The following KIF1B variants were observed in gnomAD, a reference collection of about 807,000 sequenced individuals.
KIF1B encodes kinesin family member 1B, also known as kinesin-like protein KIF1B.
Under a neutral mutation model 241.9 loss-of-function variants are expected in KIF1B, and 76 were observed. The ratio of observed to expected loss-of-function variants is 0.31; its 90% confidence interval spans 0.26 to 0.38. KIF1B has a LOEUF of 0.38. KIF1B is among the 10% of genes least tolerant of loss of function. The pLI is 1.00. For missense variants in KIF1B, 1,622 were observed against 2,271.4 expected (o/e 0.71, Z 5.81); for synonymous variants, 750 against 796.7 (o/e 0.94, Z 0.99).
chr1:10,308,659 CT>C, intron 22 of KIF1B: 1 of 1,000,448 alleles, frequency 1.0e-6, no homozygotes, highest in Non-Finnish European at 1.2e-6. Flanking sequence ...CTAACTAAAC[CT>C]GGTTTTGACT....
chr1:10,354,412 T>C (rs17402762), intron 38 of KIF1B, among the ~76,000 whole-genome samples: 80,753 of 151,922 alleles, frequency 0.53, 22,146 homozygotes, highest in African/African-American at 0.67. Context: ...TAGAAACCTG[T>C]GAAGAAAATC....
chr1:10,321,842 G>A lies in KIF1B; in HGVS notation c.2343G>A (p.Val781=). The A allele has an allele frequency of 6.2e-7, 1 of 1,614,158 alleles. No homozygotes were observed. Among genetic ancestry groups the A allele is most frequent in the Non-Finnish European group, 8.5e-7 (1 of 1,180,022 alleles). The part of the protein sequence containing the change: ...VYLKEANAIS[V]ELKKKVQFQF... ...TAAAGGAGGCCAATGCCATCAGTGT[G>A]GAACTGAAAAAGAAGGTATGGAGCA... Residue 781 remains valine (V), a synonymous_variant, in exon 24 of 49, where the codon GTG becomes GTA. Transcript: ENST00000676179.
At chr1:10,334,169 AG>A (rs1652073018) in intron 27 of KIF1B, among the ~76,000 whole-genome samples, 1 of 149,650 alleles carries the variant, frequency 6.7e-6, no homozygotes, top group South Asian at 2.1e-4. Flanking sequence ...AAAAAAAAAA[AG>A]GTTGAGCTCT....
chr1:10,348,792 T>TTC (rs1652684171), intron 37 of KIF1B, 59 bp downstream of exon 37: 307 of 1,305,350 alleles, frequency 2.4e-4, no homozygotes, highest in Non-Finnish European at 3.1e-4. Context: ...TTTTTTTTTT[T>TTC]TGAGATAGGG....
At chr1:10,338,295 A>G (rs1041800974) in intron 31 of KIF1B, among the ~76,000 whole-genome samples, 2 of 152,250 alleles carry the variant, frequency 1.3e-5, no homozygotes, top group East Asian at 3.9e-4. Context: ...TGGCCGTCCC[A>G]TGGGTCCTAG....
At chr1:10,265,743 C>T (rs916761336) in intron 5 of KIF1B, among the ~76,000 whole-genome samples, 8 of 151,914 alleles carry the variant, frequency 5.3e-5, no homozygotes, top group Admixed American at 1.3e-4. Flanking sequence ...CCAGTTACTC[C>T]AGAGGCTGAG....
chr1:10,265,351 C>G (rs1336583481), intron 5 of KIF1B, among the ~76,000 whole-genome samples: 1 of 152,022 alleles, frequency 6.6e-6, no homozygotes, highest in Non-Finnish European at 1.5e-5. Context: ...CTTCCCACCT[C>G]AGCCTCCCGA....
In KIF1B at chr1:10,297,748, G is replaced by C. The variant is rs112682076; in HGVS notation, c.2115+502G>C. ...TGTCTAAAAGTGTTGCTGCACAGTTGCATGTGTTACTCCTTTCCTTATCCC... is the reference window on the plus strand; with the variant it reads ...TGTCTAAAAGTGTTGCTGCACAGTTCCATGTGTTACTCCTTTCCTTATCCC... On this transcript the variant is annotated intron_variant, in intron 22 of 48. Transcript: ENST00000676179. Among the ~76,000 whole-genome samples, 882 of 151,940 alleles carry C rather than the reference G, an allele frequency of 5.8e-3. 4 individuals carry two copies. The highest frequency in any genetic ancestry group is 0.01 in the Non-Finnish European group (688 of 67,974).
intron 1 of KIF1B, among the ~76,000 whole-genome samples, chr1:10,228,024 A>G (rs1646932355): frequency 1.3e-5 from 2 of 151,648 alleles, no homozygotes; most frequent in Non-Finnish European, 2.9e-5. Flanking sequence ...GTCTCTACTA[A>G]TAATACAAAA....
intron 2 of KIF1B, among the ~76,000 whole-genome samples, chr1:10,235,022 T>C (rs1489090220): frequency 6.6e-6 from 1 of 152,006 alleles, no homozygotes; most frequent in Non-Finnish European, 1.5e-5. Context: ...CCTGAGTAGC[T>C]GGAACTACAG....
chr1:10,332,502 T>C (rs975337721), intron 27 of KIF1B, among the ~76,000 whole-genome samples: 1 of 4,174 alleles, frequency 2.4e-4, no homozygotes, highest in African/African-American at 6.0e-4. Context: ...ATAATAGTCA[T>C]TTTTTTTTTT....
chr1:10,363,443 G>A (rs1638479800), intron 41 of KIF1B, 99 bp downstream of exon 41: 2 of 1,064,236 alleles, frequency 1.9e-6, no homozygotes, highest in African/African-American at 1.6e-5. Flanking sequence ...TGTAATCCCA[G>A]CGCTTTGGGA....
At chr1:10,293,913 G>A (rs1650132601) in intron 17 of KIF1B, among the ~76,000 whole-genome samples, 1 of 152,114 alleles carries the variant, frequency 6.6e-6, no homozygotes. Flanking sequence ...CTCAGTCTTA[G>A]GACCTGTTTC....
chr1:10,264,173 T>C (rs1023222986), intron 5 of KIF1B, among the ~76,000 whole-genome samples: 1 of 152,246 alleles, frequency 6.6e-6, no homozygotes, highest in Non-Finnish European at 1.5e-5. Context: ...TGTTCTAACA[T>C]GCTTTCTCAG....
chr1:10,336,440 C>G (rs1363355324), intron 28 of KIF1B, among the ~76,000 whole-genome samples: 1 of 152,236 alleles, frequency 6.6e-6, no homozygotes, highest in Non-Finnish European at 1.5e-5. Context: ...AGCCACCGCA[C>G]CCGGCCTGAA....
intron 18 of KIF1B, 116 bp from the exon 19 acceptor site, chr1:10,295,544 C>T: frequency 1.1e-6 from 1 of 917,240 alleles, no homozygotes; most frequent in East Asian, 2.4e-5. Context: ...TCTGATGCAA[C>T]AAGGCAATAC....
chr1:10,248,539 T>A (rs946504), intron 2 of KIF1B, among the ~76,000 whole-genome samples: 26 of 152,018 alleles, frequency 1.7e-4, no homozygotes, highest in African/African-American at 6.3e-4. Context: ...CCATCTCTCT[T>A]GCTGCCCCTG....
intron 15 of KIF1B, among the ~76,000 whole-genome samples, chr1:10,288,687 T>G (rs971729483): frequency 7.0e-6 from 1 of 143,352 alleles, no homozygotes; most frequent in Non-Finnish European, 1.5e-5. Context: ...CTTTGCTGGT[T>G]GTTGTTGTTC....
Position 10,337,152 on chromosome 1 carries a change from AG to A in KIF1B, c.3209del (p.Ser1070IlefsTer19). On this transcript the variant is annotated frameshift_variant, in exon 30 of 49. Coordinates refer to ENST00000676179, the MANE Select transcript of KIF1B (RefSeq NM_001365951.3). LOFTEE classifies it high-confidence loss of function. This position sits in a 1 kb window ranked among gnomAD's most constrained non-coding sequence, Gnocchi z 4.0. Reference protein sequence around the residue: ...ELRIVEGQGQSSEVITPPEEI... With the variant: ...ELRIVEGQGQXSEVITPPEEI... Reference sequence around the variant, plus strand: ...GAGGATTGTGGAAGGACAGGGTCAGAGTTCTGAGGTCATCACTCCTCCAGAA... The same window carrying A: ...GAGGATTGTGGAAGGACAGGGTCAGATTCTGAGGTCATCACTCCTCCAGAA... 1 of 1,614,092 alleles carries A rather than the reference AG, an allele frequency of 6.2e-7. No homozygotes were observed. Among genetic ancestry groups the A allele is most frequent in the Non-Finnish European group, 8.5e-7 (1 of 1,180,016 alleles).
Sources: allele counts gnomAD v4.1 joint callset (sites outside exome capture counted in the v4.1 genomes callset), GRCh38; gene constraint gnomAD v4.1.1; non-coding constraint Gnocchi (gnomAD v3.1); transcripts MANE v1.5; gene names NCBI Gene and HGNC (gene_info 2026-07-23, HGNC 2026-07-21).